Variants in SRGAP1 observed in about 807,000 individuals in gnomAD.
SRGAP1 encodes the protein SLIT-ROBO Rho GTPase-activating protein 1.
Under a neutral mutation model 121.9 loss-of-function variants are expected in SRGAP1, and 43 were observed. The ratio of observed to expected loss-of-function variants is 0.35; its 90% CI spans 0.28 to 0.46. The LOEUF (loss-of-function observed/expected upper bound fraction) is 0.46, where lower values mean the gene tolerates loss of function less well. Ranked by LOEUF, SRGAP1 falls within the 20% of genes least tolerant of loss-of-function variation. SRGAP1 has a pLI of 1.00. For missense variants in SRGAP1, 1,102 were observed against 1,350.9 expected, an observed-to-expected ratio of 0.82 and a Z score of 2.89; for synonymous variants, 447 against 485.4, an observed-to-expected ratio of 0.92 and a Z score of 1.04.
chr12:64,043,969 C>T (rs2035075265), intron 6 of SRGAP1, among the ~76,000 whole-genome samples: 1 of 152,094 alleles, frequency 6.6e-6, no homozygotes, highest in Non-Finnish European at 1.5e-5. Context: ...GCAGCCCTTA[C>T]CCTCTAGGAT....
intron 21 of SRGAP1, among the ~76,000 whole-genome samples, chr12:64,129,011 C>G (rs929803142): frequency 6.6e-6 from 1 of 152,102 alleles, no homozygotes; most frequent in African/African-American, 2.4e-5. Flanking sequence ...CACCTGTAAT[C>G]CCAACACTTT....
At position 64,115,867 on chromosome 12, in the gene SRGAP1, G is replaced by C. The variant is rs1181988095; in HGVS notation, c.2198G>C (p.Gly733Ala). The change falls in exon 18 of 22, where the codon GGT becomes GCT. Residue 733 changes from glycine (G) to alanine (A), a missense_variant. Physicochemically the swap from Gly to Ala is moderately conservative, Grantham distance 60. Coordinates refer to ENST00000355086, the MANE Select transcript of SRGAP1 (RefSeq NM_020762.4). ...TTGGAGGAAGTGGACCAAGATGCTG[G>C]TACAGAGCCCCACACAAGTGAAGAT... ...GTLEEVDQDA[G>A]TEPHTSEDEC... 6.2e-7 allele frequency: 1 copy of C among 1,613,384 alleles called. No individual in the cohort carries two copies.
At chr12:63,949,339 T>A (rs1346926361) in intron 1 of SRGAP1, among the ~76,000 whole-genome samples, 1 of 147,174 alleles carries the variant, frequency 6.8e-6, no homozygotes, top group Non-Finnish European at 1.5e-5. Context: ...CTTGTTTTTT[T>A]TTTTTTTGCT....
chr12:64,084,869 A>G lies in SRGAP1; in HGVS notation c.1409-2130A>G, dbSNP rs1302221351. ...TGATTACCTATGTTATTAAATTTAC[A>G]TTTATAGATATTAATTTAATAATGT... On this transcript the variant is annotated intron_variant, in intron 10 of 21. Transcript: ENST00000355086. Among the ~76,000 whole-genome samples, 3 of 152,012 alleles carry G rather than the reference A, an allele frequency of 2.0e-5. No homozygotes were observed. The East Asian group carries it at 5.8e-4, about 29-fold the overall frequency.
chr12:64,067,793 G>A (rs142524715), intron 8 of SRGAP1, among the ~76,000 whole-genome samples: 85 of 152,170 alleles, frequency 5.6e-4, no homozygotes, highest in Middle Eastern at 6.8e-3. Flanking sequence ...TGAGAGCCAA[G>A]TTAAGGAGTT....
At chr12:64,022,916 G>A (rs909385922) in intron 4 of SRGAP1, among the ~76,000 whole-genome samples, 5 of 152,082 alleles carry the variant, frequency 3.3e-5, no homozygotes, top group African/African-American at 1.2e-4. Flanking sequence ...ATAAATAAAT[G>A]TATAATATGG....
intron 1 of SRGAP1, among the ~76,000 whole-genome samples, chr12:63,891,746 G>A (rs1344325804): frequency 6.6e-6 from 1 of 152,106 alleles, no homozygotes. Flanking sequence ...CAGTACTTTG[G>A]GAGACCGAGG....
At chr12:63,981,349 G>A (rs1000724537) in intron 1 of SRGAP1, among the ~76,000 whole-genome samples, 3 of 151,802 alleles carry the variant, frequency 2.0e-5, no homozygotes, top group East Asian at 1.9e-4. Flanking sequence ...TGGCACTAAG[G>A]CAGCTAAAAA....
At chr12:64,077,087 A>G (rs2035752029) in intron 8 of SRGAP1, among the ~76,000 whole-genome samples, 1 of 152,220 alleles carries the variant, frequency 6.6e-6, no homozygotes, top group African/African-American at 2.4e-5. Context: ...TTACCTAGAT[A>G]TATTACAGTG....
intron 1 of SRGAP1, among the ~76,000 whole-genome samples, chr12:63,951,668 C>T (rs921140243): frequency 6.6e-6 from 1 of 152,142 alleles, no homozygotes; most frequent in African/African-American, 2.4e-5. Context: ...AGGCTTCTTC[C>T]ACCATGGCTC....
At chr12:64,100,912 T>C (rs2036243378) in intron 15 of SRGAP1, among the ~76,000 whole-genome samples, 1 of 152,158 alleles carries the variant, frequency 6.6e-6, no homozygotes, top group Non-Finnish European at 1.5e-5. Context: ...CTTATCAATA[T>C]TGCAGACTTT....
chr12:64,068,021 T>C lies in SRGAP1; in HGVS notation c.1125+2802T>C, dbSNP rs183620522. 8.4e-4 allele frequency among the ~76,000 whole-genome samples: 128 copies of C among 152,026 alleles called. 1 individual carries two copies. The highest frequency in any genetic ancestry group is 6.8e-3 in the Middle Eastern group (2 of 292). ...GCCTTTTCACCAAATCTTAGAATAC[T>C]TTAAATAGTCACTTTGGGAGATCAA... On this transcript the variant is annotated intron_variant, in intron 8 of 21. Coordinates refer to ENST00000355086, the MANE Select transcript of SRGAP1 (RefSeq NM_020762.4).
intron 21 of SRGAP1, among the ~76,000 whole-genome samples, chr12:64,128,403 A>G (rs2036734262): frequency 6.6e-6 from 1 of 152,192 alleles, no homozygotes; most frequent in African/African-American, 2.4e-5. Flanking sequence ...AAAGGGCCCA[A>G]AGGTTCATAG....
rs770465979 is a variant in SRGAP1, at chr12:64,091,250, T to A, written c.1437-26T>A. On this transcript the variant is annotated intron_variant, in intron 11 of 21. Transcript: ENST00000355086. ...ATTTATTGTTTGATTTCTGCCATGCTCAGTAATTATATTCCCTTCCCTTAG... is the reference window on the plus strand; with the variant it reads ...ATTTATTGTTTGATTTCTGCCATGCACAGTAATTATATTCCCTTCCCTTAG... 4 of 1,484,552 alleles carry A rather than the reference T, an allele frequency of 2.7e-6. No homozygotes were observed. The Admixed American group carries it at 7.5e-5, about 28-fold the overall frequency. The allele number at this position is 1,484,552 out of a possible 1,614,324, so 92.0% of individuals were successfully genotyped here.
At chr12:63,935,229 A>G (rs1047374799) in intron 1 of SRGAP1, among the ~76,000 whole-genome samples, 1 of 152,242 alleles carries the variant, frequency 6.6e-6, no homozygotes, top group African/African-American at 2.4e-5. Context: ...GAGCAATGGA[A>G]TATTTATCAT....
chr12:63,911,298 C>CA (rs10715790), intron 1 of SRGAP1, among the ~76,000 whole-genome samples: 1,791 of 89,896 alleles, frequency 0.02, 38 homozygotes, highest in African/African-American at 0.056. Flanking sequence ...GACTCTGTCT[C>CA]AAAAAAAAAA....
intron 4 of SRGAP1, among the ~76,000 whole-genome samples, chr12:64,040,144 G>A (rs1233655757): frequency 6.6e-6 from 1 of 152,152 alleles, no homozygotes; most frequent in Non-Finnish European, 1.5e-5. Flanking sequence ...CATGTGTTAA[G>A]TTGAACCATA....
intron 1 of SRGAP1, among the ~76,000 whole-genome samples, chr12:63,857,491 C>T (rs1214652535): frequency 6.6e-6 from 1 of 152,104 alleles, no homozygotes; most frequent in Admixed American, 6.5e-5. Context: ...AAGCAATTCT[C>T]CTGCCTCAGC....
chr12:64,078,817 G>A (rs765047718), intron 8 of SRGAP1, 102 bp from the exon 9 acceptor site: 58 of 1,192,154 alleles, frequency 4.9e-5, no homozygotes, highest in Non-Finnish European at 6.4e-5. Flanking sequence ...TTTGGCGGGG[G>A]CAGGCCCTGT....
Sources: gnomAD v4.1 joint callset for allele counts (sites outside exome capture counted in the v4.1 genomes callset) on GRCh38, gnomAD v4.1.1 for gene constraint, MANE v1.5 for transcripts, NCBI Gene and HGNC (gene_info 2026-07-23, HGNC 2026-07-21) for gene names.